The following FAM221A variants were observed in gnomAD, a reference collection of about 807,000 sequenced individuals.
The protein encoded by FAM221A is protein FAM221A.
FAM221A carries 43 observed loss-of-function variants against 37.6 expected under a neutral mutation model. The observed-to-expected ratio is 1.15, with a 90% CI of 0.90 to 1.48. The LOEUF (loss-of-function observed/expected upper bound fraction) is 1.48, where lower values mean the gene tolerates loss of function less well. FAM221A is among the 40% of genes most tolerant of loss of function. The pLI, the probability that FAM221A is intolerant of heterozygous loss-of-function variation, is 0.00. For missense variants in FAM221A, 361 were observed against 361.5 expected (o/e 1.00, Z 0.01); for synonymous variants, 135 against 132.9 (o/e 1.02, Z -0.11).
At chr7:23,697,869 A>T (rs996582918) in intron 4 of FAM221A, among the ~76,000 whole-genome samples, 2 of 151,630 alleles carry the variant, frequency 1.3e-5, no homozygotes, top group African/African-American at 4.9e-5. Flanking sequence ...TTCCTGCTTT[A>T]CCCTTCCAAG....
chr7:23,692,236 T>C, intron 4 of FAM221A: 1 of 926,902 alleles, frequency 1.1e-6, no homozygotes, highest in Non-Finnish European at 1.3e-6. Flanking sequence ...ATGTGTTCCC[T>C]GTCTACTTGA....
intron 4 of FAM221A, among the ~76,000 whole-genome samples, chr7:23,696,934 C>T (rs114854336): frequency 8.8e-4 from 134 of 152,172 alleles, no homozygotes; most frequent in African/African-American, 3.0e-3. Flanking sequence ...GGCAGCTGAC[C>T]TGTGAGTCAG....
rs556817036 is a variant in FAM221A, at chr7:23,700,150, A to C, written c.746-636A>C. On this transcript the variant is annotated intron_variant, in intron 5 of 6. Transcript: ENST00000344962. ...TGAATTCATATGCTTTAGAAACTAG[A>C]AGCGCAAGTGTTCAGGTTGCTAGTC... Among the ~76,000 whole-genome samples the C allele has an allele frequency of 5.3e-5, 8 of 150,500 alleles. No homozygotes were observed. In the South Asian group the frequency reaches 1.1e-3, roughly 20 times the overall value.
intron 2 of FAM221A, chr7:23,686,607 C>G (rs1367894694): frequency 1.2e-5 from 2 of 171,224 alleles, no homozygotes; most frequent in African/African-American, 4.8e-5. Flanking sequence ...ATATTTAGTA[C>G]TGATCCACTC....
intron 6 of FAM221A, among the ~76,000 whole-genome samples, chr7:23,701,499 A>G (rs1406151355): frequency 6.6e-6 from 1 of 152,152 alleles, no homozygotes; most frequent in Non-Finnish European, 1.5e-5. Context: ...TCGGCCTCGC[A>G]AAGTGCTGGG....
chr7:23,701,999 A>G (rs1785487979), intron 6 of FAM221A, 97 bp from the exon 7 acceptor site: 1 of 657,196 alleles, frequency 1.5e-6, no homozygotes, highest in Non-Finnish European at 2.4e-6. Flanking sequence ...ATAACTGTGG[A>G]ATGGCTGTGA....
rs371832007 is a variant in FAM221A, at chr7:23,682,779, T to C, written c.66-1720T>C. Reference sequence around the variant, plus strand: ...GGGGATTCTGTAAGTACAATAAAATTTGAGTTGCACTGGTCTAGAACTTAA... The same window carrying C: ...GGGGATTCTGTAAGTACAATAAAATCTGAGTTGCACTGGTCTAGAACTTAA... On this transcript the variant is annotated intron_variant, in intron 1 of 6. Transcript: ENST00000344962. 1.1e-4 allele frequency among the ~76,000 whole-genome samples: 16 copies of C among 152,250 alleles called. No individual in the cohort carries two copies. In the East Asian group the frequency reaches 1.5e-3, roughly 15 times the overall value.
intron 2 of FAM221A, chr7:23,686,350 ACCTCCTGGGCTCAAGCGAT>A (rs1784369785): frequency 2.5e-6 from 1 of 405,698 alleles, no homozygotes; most frequent in Non-Finnish European, 4.9e-6. Flanking sequence ...TGCAGCCTCG[ACCTCCTGGGCTCAAGCGAT>A]CCTTCGACCT....
At chr7:23,700,175 C>T (rs1417351353) in intron 5 of FAM221A, among the ~76,000 whole-genome samples, 1 of 152,118 alleles carries the variant, frequency 6.6e-6, no homozygotes, top group African/African-American at 2.4e-5. Context: ...GGTTGCTAGT[C>T]TGCTTTGGAA....
chr7:23,690,190 TATATATA>T (rs1399649538), intron 3 of FAM221A, among the ~76,000 whole-genome samples: 628 of 57,654 alleles, frequency 0.011, 12 homozygotes, highest in Non-Finnish European at 0.019. Flanking sequence ...TATATATATA[TATATATA>T]TATTTTTTTT....
intron 2 of FAM221A, 162 bp from the exon 3 acceptor site, chr7:23,689,107 G>C (rs924529552): frequency 6.5e-6 from 3 of 459,272 alleles, no homozygotes; most frequent in Non-Finnish European, 1.1e-5. Context: ...CAACATAGGT[G>C]ATACAAGTAC....
At position 23,698,295 on chromosome 7, in the gene FAM221A, A is replaced by G. The variant is rs778500162; in HGVS notation, c.741A>G (p.Thr247=). The G allele has an allele frequency of 1.3e-6, 2 of 1,523,198 alleles. No homozygotes were observed. The highest frequency in any genetic ancestry group is 1.8e-6 in the Non-Finnish European group (2 of 1,111,020). 94.4% of individuals were successfully genotyped at this position (1,523,198 alleles called of 1,614,324 possible). ...ASSSSSPETL[T]DVGTSSQVSS... ...CTAGTTCTTCTCCAGAAACGTTAAC[A>G]GATGGTAATGAAATGAAGTTTAGAA... Residue 247 remains threonine (T), a synonymous_variant, in exon 5 of 7, where the codon ACA becomes ACG. Coordinates refer to ENST00000344962, the MANE Select transcript of FAM221A (RefSeq NM_199136.5).
intron 4 of FAM221A, chr7:23,692,124 C>G: frequency 1.3e-6 from 1 of 788,938 alleles, no homozygotes; most frequent in Non-Finnish European, 1.5e-6. Flanking sequence ...TTCTTGCATA[C>G]ATATATGTTG....
Position 23,686,438 on chromosome 7 carries a change from A to G in FAM221A, c.239+1766A>G, listed in dbSNP as rs556842758. 10 of 302,350 alleles carry G rather than the reference A, an allele frequency of 3.3e-5. No individual in the cohort carries two copies. In the East Asian group the frequency reaches 9.6e-4, roughly 29 times the overall value. The allele number at this position is 302,350 out of a possible 1,614,324, so 18.7% of individuals were successfully genotyped here. The stretch of plus-strand genomic sequence containing the variant: ...GCCACCACATCCAGCTAATTTTTGT[A>G]TTTTTTTGTAGAGAAGTGGTTTGGC... On this transcript the variant is annotated intron_variant, in intron 2 of 6. Coordinates refer to ENST00000344962, the MANE Select transcript of FAM221A (RefSeq NM_199136.5).
chr7:23,699,392 A>G (rs117037468), intron 5 of FAM221A, among the ~76,000 whole-genome samples: 1,937 of 151,906 alleles, frequency 0.013, 28 homozygotes, highest in South Asian at 0.052. Flanking sequence ...AAGCACTAGG[A>G]TTATAGCTAT....
At chr7:23,692,085 G>T (rs917807720) in intron 4 of FAM221A, 1 of 419,644 alleles carries the variant, frequency 2.4e-6, no homozygotes, top group Non-Finnish European at 3.2e-6. Context: ...AGTAAAATAT[G>T]TATATATGTA....
intron 1 of FAM221A, among the ~76,000 whole-genome samples, chr7:23,682,441 T>TA (rs201508703): frequency 0.029 from 3,812 of 133,664 alleles, 96 homozygotes; most frequent in African/African-American, 0.074. Context: ...TTATTATTAT[T>TA]TTTTTTTTTA....
chr7:23,700,634 G>C, intron 5 of FAM221A, 152 bp from the exon 6 acceptor site: 2 of 543,580 alleles, frequency 3.7e-6, no homozygotes, highest in Middle Eastern at 5.0e-4. Flanking sequence ...CTCTAAAAGA[G>C]AATGAGGTAG....
At chr7:23,695,659 C>A (rs1785012359) in intron 4 of FAM221A, among the ~76,000 whole-genome samples, 1 of 152,102 alleles carries the variant, frequency 6.6e-6, no homozygotes, top group Non-Finnish European at 1.5e-5. Context: ...AGGTGTAAGC[C>A]ACTATTCCTG....
Sources: gnomAD v4.1 joint callset for allele counts (sites outside exome capture counted in the v4.1 genomes callset) on GRCh38, gnomAD v4.1.1 for gene constraint, MANE v1.5 for transcripts, NCBI Gene and HGNC (gene_info 2026-07-23, HGNC 2026-07-21) for gene names.